Variants in ASAH1 observed in about 807,000 individuals in gnomAD.
ASAH1 encodes N-acylsphingosine amidohydrolase 1, also known as acid ceramidase.
Under a neutral mutation model 59.5 loss-of-function variants are expected in ASAH1, and 70 were observed. The ratio of observed to expected loss-of-function variants is 1.18; its 90% confidence interval spans 0.97 to 1.43. The LOEUF is 1.43. Among genes scored for constraint, ASAH1 ranks in the 40% most tolerant of loss-of-function variants. ASAH1 has a pLI of 0.00. For missense variants in ASAH1, 660 were observed against 482.5 expected, an observed-to-expected ratio of 1.37 and a Z score of -3.45; for synonymous variants, 213 against 166.5, an observed-to-expected ratio of 1.28 and a Z score of -2.15.
intron 4 of ASAH1, among the ~76,000 whole-genome samples, chr8:18,069,004 G>T (rs1253512504): frequency 1.3e-5 from 2 of 152,046 alleles, no homozygotes; most frequent in African/African-American, 4.8e-5. Flanking sequence ...AGCTGGGTGT[G>T]GCGGCACGTG....
chr8:18,077,746 C>T (rs1187543987), intron 1 of ASAH1, among the ~76,000 whole-genome samples: 1 of 152,156 alleles, frequency 6.6e-6, no homozygotes, highest in Admixed American at 6.5e-5. Flanking sequence ...TGGTAAATGG[C>T]TTTCCTTATT....
At chr8:18,063,274 T>A (rs6998108) in intron 6 of ASAH1, 44 bp from the exon 7 acceptor site, 1 of 1,513,994 alleles carries the variant, frequency 6.6e-7, no homozygotes, top group East Asian at 2.3e-5. Context: ...GCAGTTAAGA[T>A]TCTAAATCAA....
intron 5 of ASAH1, chr8:18,065,972 T>C (rs541283403): frequency 2.6e-5 from 4 of 152,008 alleles, no homozygotes; most frequent in South Asian, 2.1e-4. Flanking sequence ...GAGGAAAGGA[T>C]AGCCTTTTGA....
Position 18,067,192 on chromosome 8 carries a change from T to G in ASAH1, c.382+28A>C, listed in dbSNP as rs754660997. ...CTTGTAAAAGAATTTAATTACTTTT[T>G]TTTTTAAAGCTTCTAAGTGAACTTT... On this transcript the variant is annotated intron_variant, in intron 5 of 13. Coordinates refer to ENST00000637790, the MANE Select transcript of ASAH1 (RefSeq NM_177924.5). The G allele has an allele frequency of 1.0e-5, 15 of 1,479,174 alleles. No individual in the cohort carries two copies. In the East Asian group the frequency reaches 3.5e-4, roughly 35 times the overall value. 91.6% of individuals were successfully genotyped at this position (1,479,174 alleles called of 1,614,324 possible).
intron 8 of ASAH1, 135 bp downstream of exon 8, chr8:18,062,144 G>A (rs1227623757): frequency 8.4e-7 from 1 of 1,185,706 alleles, no homozygotes; most frequent in Non-Finnish European, 1.2e-6. Flanking sequence ...TACCTATGAA[G>A]TGACAAGAAG....
At position 18,062,284 on chromosome 8, in the gene ASAH1, T is replaced by C; in HGVS notation, c.643A>G (p.Lys215Glu). 2 of 1,614,238 alleles carry C rather than the reference T, an allele frequency of 1.2e-6. No individual in the cohort carries two copies. Among genetic ancestry groups the C allele is most frequent in the South Asian group, 1.1e-5 (1 of 91,088 alleles). ...TGTAACAACAGACTCCTTACTGGTT[T>C]GAATCCTGTTAACATGCCCACATAG... is the stretch of plus-strand genomic sequence containing the variant. ...AGYVGMLTGF[K>E]PGLFSLTLNE... The change falls in exon 8 of 14, where the codon AAA becomes GAA. Residue 215 changes from lysine to glutamate, a missense_variant. Physicochemically the swap from Lys to Glu is moderately conservative, Grantham distance 56 (BLOSUM62 1). Transcript: ENST00000637790.
intron 4 of ASAH1, chr8:18,069,330 G>C (rs1417181759): frequency 6.2e-6 from 1 of 160,660 alleles, no homozygotes; most frequent in Admixed American, 6.3e-5. Context: ...AAATGAAATG[G>C]TTTGGTGATT....
chr8:18,078,057 A>C (rs1303217391), intron 1 of ASAH1, among the ~76,000 whole-genome samples: 5 of 152,192 alleles, frequency 3.3e-5, no homozygotes, highest in African/African-American at 1.2e-4. Context: ...TCCCACAGAG[A>C]TAATAAAACC....
Position 18,083,997 on chromosome 8 carries a change from G to C in ASAH1, c.62C>G (p.Ala21Gly). Residue 21 changes from alanine to glycine, a missense_variant, in exon 1 of 14, where the codon GCG becomes GGG. By Grantham distance (60) the Ala-to-Gly change is moderately conservative (BLOSUM62 0). Coordinates refer to ENST00000637790, the MANE Select transcript of ASAH1 (RefSeq NM_177924.5). ...LLAAAVSCAV[A>G]QHAPPWTEDC... ...CTCACTCACCGGCGGCGCGTGCTGC[G>C]CGACGGCACAGCTGACGGCGGCAGC... 1 of 1,598,068 alleles carries C rather than the reference G, an allele frequency of 6.3e-7. No individual in the cohort carries two copies. The highest frequency in any genetic ancestry group is 8.5e-7 in the Non-Finnish European group (1 of 1,179,466).
intron 7 of ASAH1, chr8:18,062,632 C>A: frequency 3.4e-6 from 2 of 586,018 alleles, no homozygotes; most frequent in Non-Finnish European, 6.0e-6. Context: ...CTCAATATCA[C>A]ACAGCTTATA....
upstream of ASAH1, chr8:18,084,428 C>G (rs911456870): frequency 5.2e-5 from 72 of 1,376,420 alleles, no homozygotes; most frequent in Non-Finnish European, 6.2e-5. Flanking sequence ...CGATGGGGCG[C>G]CTCTAGCAGG....
intron 5 of ASAH1, 196 bp downstream of exon 5, chr8:18,067,024 C>T (rs897882860): frequency 1.1e-5 from 5 of 456,326 alleles, no homozygotes; most frequent in South Asian, 6.0e-5. Flanking sequence ...TGGGCTCTTC[C>T]GTATCTTGAT....
chr8:18,064,626 A>C, intron 5 of ASAH1, 95 bp from the exon 6 acceptor site: 1 of 780,418 alleles, frequency 1.3e-6, no homozygotes, highest in Non-Finnish European at 2.2e-6. Flanking sequence ...TCATTGTGTG[A>C]GTGTGTGCTT....
In ASAH1 at chr8:18,084,032, T is replaced by G. The variant is rs759177869; in HGVS notation, c.27A>C (p.Leu9Phe). ...AGCTGACGGCGGCAGCCAGGAGGAC[T>G]AAGGCGACGCAACTCCGGCCCGGCA... MPGRSCVA[L>F]VLLAAAVSCA... Residue 9 changes from leucine (L) to phenylalanine (F), a missense_variant, in exon 1 of 14, where the codon TTA (leucine) becomes TTC (phenylalanine). Leu to Phe is a conservative substitution (Grantham distance 22). Transcript: ENST00000637790. 120 of 1,598,566 alleles carry G rather than the reference T, an allele frequency of 7.5e-5. No individual in the cohort carries two copies. In the South Asian group the frequency reaches 1.3e-3, roughly 17 times the overall value.
At chr8:18,084,195 C>G (rs1800792774), upstream of ASAH1, 1 of 1,528,374 alleles carries the variant, frequency 6.5e-7, no homozygotes, top group South Asian at 1.2e-5. Flanking sequence ...AGGGGGAACG[C>G]TCGGAGGAGG....
intron 4 of ASAH1, chr8:18,068,274 T>A (rs1407741440): frequency 6.6e-6 from 1 of 152,188 alleles, no homozygotes; most frequent in African/African-American, 2.4e-5. Context: ...TAAAACCCAG[T>A]ATTGTCCGAT....
chr8:18,084,397 G>A (rs887608095), upstream of ASAH1: 24 of 1,398,332 alleles, frequency 1.7e-5, no homozygotes, highest in African/African-American at 3.2e-4. Flanking sequence ...GGTGGGGCCG[G>A]GAGCTTCACC....
At chr8:18,061,619 G>T (rs1183054555) in intron 9 of ASAH1, 67 bp downstream of exon 9, 20 of 1,521,086 alleles carry the variant, frequency 1.3e-5, no homozygotes, top group Non-Finnish European at 1.6e-5. Context: ...TAACCAGAAG[G>T]CACAGTCCAG....
chr8:18,058,910 G>A lies in ASAH1; in HGVS notation c.1042-19C>T. The A allele has an allele frequency of 3.1e-6, 5 of 1,601,972 alleles. No individual in the cohort carries two copies. The highest frequency in any genetic ancestry group is 4.3e-6 in the Non-Finnish European group (5 of 1,169,160). ...AGATATTCTAAAACACAAGAAAATA[G>A]TTTTGTTCAGTAAGTTAAATACAGA... On this transcript the variant is annotated intron_variant, in intron 12 of 13. Coordinates refer to ENST00000637790, the MANE Select transcript of ASAH1 (RefSeq NM_177924.5).
Sources: gnomAD v4.1 joint callset for allele counts (sites outside exome capture counted in the v4.1 genomes callset) on GRCh38, gnomAD v4.1.1 for gene constraint, MANE v1.5 for transcripts, NCBI Gene and HGNC (gene_info 2026-07-23, HGNC 2026-07-21) for gene names.